Variants in TRIM5 observed in about 807,000 individuals in gnomAD.
TRIM5 encodes the protein tripartite motif-containing protein 5.
Under a neutral mutation model 35.6 loss-of-function variants are expected in TRIM5, and 31 were observed. The observed-to-expected ratio is 0.87, with a 90% CI of 0.65 to 1.18. The LOEUF (loss-of-function observed/expected upper bound fraction) is 1.18. TRIM5 is among the 50% of genes most tolerant of loss of function. The probability of loss-of-function intolerance (pLI) is 0.00; values close to 1 mark genes in which losing one functional copy is unlikely to be tolerated. For missense variants in TRIM5, 609 were observed against 591.6 expected, an observed-to-expected ratio of 1.03 and a Z score of -0.31; for synonymous variants, 243 against 215.6, an observed-to-expected ratio of 1.13 and a Z score of -1.11.
the TRIM5 span, chr11:5,604,569 C>A: frequency 1.9e-6 from 3 of 1,612,718 alleles, no homozygotes; most frequent in Non-Finnish European, 2.5e-6. Flanking sequence ...AGCTGAAGAA[C>A]GAGGAGCAGG....
intron 2 of TRIM5, 43 bp from the exon 3 acceptor site, chr11:5,679,212 C>T (rs768359750): frequency 1.3e-6 from 2 of 1,537,460 alleles, no homozygotes; most frequent in East Asian, 2.2e-5. Flanking sequence ...ATGAGGTTTT[C>T]CAGCACCTAG....
At chr11:5,630,349 C>T in the TRIM5 span, among the ~76,000 whole-genome samples, 5 of 152,274 alleles carry the variant, frequency 3.3e-5, no homozygotes, top group East Asian at 9.7e-4. Flanking sequence ...CCTTACCCTA[C>T]TTCCCACCCT....
At chr11:5,632,307 C>G in the TRIM5 span, 5 of 1,613,892 alleles carry the variant, frequency 3.1e-6, no homozygotes, top group East Asian at 1.1e-4. Context: ...GAGTTAGGAC[C>G]AGAAGAAGCC....
intron 5 of TRIM5, among the ~76,000 whole-genome samples, chr11:5,667,081 C>T (rs1051338756): frequency 4.6e-5 from 7 of 152,082 alleles, no homozygotes; most frequent in Non-Finnish European, 8.8e-5. Context: ...ATGGTGATGG[C>T]GCAGGGGTCC....
chr11:5,682,650 G>C (rs1360578687), intron 1 of TRIM5, among the ~76,000 whole-genome samples: 3 of 152,214 alleles, frequency 2.0e-5, no homozygotes, highest in Non-Finnish European at 2.9e-5. Flanking sequence ...TACTGGAACT[G>C]ACAATCCCTA....
At chr11:5,631,664 G>T in the TRIM5 span, among the ~76,000 whole-genome samples, 1 of 152,122 alleles carries the variant, frequency 6.6e-6, no homozygotes, top group Non-Finnish European at 1.5e-5. Flanking sequence ...CCACATCTGG[G>T]GTTCTAAAGT....
At chr11:5,621,413 A>C in the TRIM5 span, among the ~76,000 whole-genome samples, 1 of 152,000 alleles carries the variant, frequency 6.6e-6, no homozygotes, top group Non-Finnish European at 1.5e-5. Flanking sequence ...CTTGTTAGCC[A>C]CTCCTGTTTA....
intron 4 of TRIM5, among the ~76,000 whole-genome samples, chr11:5,677,313 C>G (rs1852064376): frequency 6.6e-6 from 1 of 152,124 alleles, no homozygotes; most frequent in Non-Finnish European, 1.5e-5. Context: ...AGACACTTCT[C>G]AAAAGAAGAC....
chr11:5,643,339 A>T, the TRIM5 span: 1 of 1,613,950 alleles, frequency 6.2e-7, no homozygotes, highest in Non-Finnish European at 8.5e-7. Context: ...CTGGGGGTAT[A>T]CTGTAGAACA....
chr11:5,674,029 G>C (rs2134077320), intron 4 of TRIM5, among the ~76,000 whole-genome samples: 2 of 151,916 alleles, frequency 1.3e-5, no homozygotes, highest in East Asian at 3.9e-4. Flanking sequence ...AAATAATAAA[G>C]ATCAGAGCAG....
intron 4 of TRIM5, among the ~76,000 whole-genome samples, chr11:5,670,968 C>T (rs1485926925): frequency 6.6e-6 from 1 of 152,076 alleles, no homozygotes; most frequent in Admixed American, 6.6e-5. Flanking sequence ...TTTTGGCCAG[C>T]TGCAGTGGCT....
Position 5,683,328 on chromosome 11 carries a change from C to A in TRIM5, c.-62+1540G>T, listed in dbSNP as rs540649282. Among the ~76,000 whole-genome samples, 17 of 152,304 alleles carry A rather than the reference C, an allele frequency of 1.1e-4. No homozygotes were observed. In the East Asian group the frequency reaches 3.3e-3, roughly 29 times the overall value. On this transcript the variant is annotated intron_variant, in intron 1 of 7. Coordinates refer to ENST00000380034, the MANE Select transcript of TRIM5 (RefSeq NM_033034.3). ...CAGGACTGGCAGGCAGCTCCACCTG[C>A]GGCCCGGTGCAGGATCCACTGCGTG...
At chr11:5,591,803 A>C in the TRIM5 span, among the ~76,000 whole-genome samples, 1 of 152,208 alleles carries the variant, frequency 6.6e-6, no homozygotes, top group Non-Finnish European at 1.5e-5. Context: ...TTCTTAATTC[A>C]GTCCCTACTC....
chr11:5,622,056 T>G, the TRIM5 span, among the ~76,000 whole-genome samples: 1 of 152,018 alleles, frequency 6.6e-6, no homozygotes, highest in South Asian at 2.1e-4. Flanking sequence ...ATTTTCGGGG[T>G]TCAGACTAGA....
At chr11:5,597,839 T>C in the TRIM5 span, among the ~76,000 whole-genome samples, 87 of 152,268 alleles carry the variant, frequency 5.7e-4, no homozygotes, top group African/African-American at 2.0e-3. Flanking sequence ...GCACCCTAAA[T>C]TGTATCCACC....
At chr11:5,634,522 C>CAT in the TRIM5 span, 82 of 662,922 alleles carry the variant, frequency 1.2e-4, no homozygotes, top group African/African-American at 1.7e-3. Flanking sequence ...CACACACACA[C>CAT]ACACACACAT....
the TRIM5 span, among the ~76,000 whole-genome samples, chr11:5,593,090 C>G: frequency 3.7e-4 from 57 of 152,176 alleles, no homozygotes; most frequent in Admixed American, 3.2e-3. Context: ...CTTGTTTCTC[C>G]TACATCCCTA....
chr11:5,673,901 T>C (rs754805474), intron 4 of TRIM5, among the ~76,000 whole-genome samples: 3 of 151,884 alleles, frequency 2.0e-5, no homozygotes, highest in Admixed American at 6.6e-5. Context: ...GTATGAAATA[T>C]AGTTAAAGCA....
chr11:5,592,938 GAAA>G, the TRIM5 span, among the ~76,000 whole-genome samples: 3 of 117,146 alleles, frequency 2.6e-5, no homozygotes, highest in Non-Finnish European at 1.8e-5. Flanking sequence ...AAAGAAAAAA[GAAA>G]AAGAAAAAAG....
Sources: allele counts gnomAD v4.1 joint callset (sites outside exome capture counted in the v4.1 genomes callset), GRCh38; gene constraint gnomAD v4.1.1; transcripts MANE v1.5; gene names NCBI Gene and HGNC (gene_info 2026-07-23, HGNC 2026-07-21).